The following IKZF1 variants were observed in gnomAD, a reference collection of about 807,000 sequenced individuals.
The protein encoded by IKZF1 is IKAROS family zinc finger 1.
Under a neutral mutation model 51.7 loss-of-function variants are expected in IKZF1, and 10 were observed. That is an observed-to-expected ratio of 0.19 (90% CI 0.12 to 0.33). The LOEUF (loss-of-function observed/expected upper bound fraction) is 0.33, where lower values mean the gene tolerates loss of function less well. Among genes scored for constraint, IKZF1 ranks in the 10% least tolerant of loss-of-function variants. The pLI is 1.00. For missense variants in IKZF1, 484 were observed against 707.5 expected (o/e 0.68, Z 3.58); for synonymous variants, 280 against 282.3 (o/e 0.99, Z 0.08).
intron 1 of IKZF1, chr7:50,308,578 C>G (rs1300360658): frequency 6.6e-6 from 1 of 152,252 alleles, no homozygotes; most frequent in Non-Finnish European, 1.5e-5. Context: ...ACAAATCAGA[C>G]GTCCACATAA....
At chr7:50,312,294 TAAACAGCAGTA>T in intron 1 of IKZF1, among the ~76,000 whole-genome samples, 1 of 152,204 alleles carries the variant, frequency 6.6e-6, no homozygotes, top group East Asian at 1.9e-4. Flanking sequence ...GGCGGCTCAA[TAAACAGCAGTA>T]TTAGTTTAAG....
At chr7:50,389,248 G>A (rs556414485) in intron 6 of IKZF1, among the ~76,000 whole-genome samples, 3 of 152,324 alleles carry the variant, frequency 2.0e-5, no homozygotes, top group South Asian at 2.1e-4. Context: ...GTGGATACAC[G>A]TGTGAGCAGG....
chr7:50,323,003 A>G (rs1336417926), intron 2 of IKZF1, among the ~76,000 whole-genome samples: 1 of 152,222 alleles, frequency 6.6e-6, no homozygotes, highest in East Asian at 1.9e-4. Context: ...AACTGTATAT[A>G]TCTAAAGGAT....
chr7:50,396,459 A>G (rs1279586963), intron 7 of IKZF1, among the ~76,000 whole-genome samples: 1 of 152,056 alleles, frequency 6.6e-6, no homozygotes, highest in Non-Finnish European at 1.5e-5. Context: ...TATTTTGAAT[A>G]CTTTTAAAAT....
intron 3 of IKZF1, among the ~76,000 whole-genome samples, chr7:50,375,226 GC>G (rs1170188534): frequency 9.2e-5 from 14 of 152,278 alleles, no homozygotes; most frequent in Admixed American, 8.5e-4. Flanking sequence ...TTCGAGAGCA[GC>G]CTGGTCAACA....
At chr7:50,349,653 C>A (rs1288220870) in intron 3 of IKZF1, among the ~76,000 whole-genome samples, 3 of 151,986 alleles carry the variant, frequency 2.0e-5, no homozygotes, top group Non-Finnish European at 2.9e-5. Flanking sequence ...TAACAGCCAC[C>A]CAGTCTATAA....
Position 50,400,424 on chromosome 7 carries a change from A to G in IKZF1, c.1357A>G (p.Ser453Gly). The G allele has an allele frequency of 4.3e-6, 7 of 1,613,890 alleles. No homozygotes were observed. Among genetic ancestry groups the G allele is most frequent in the Non-Finnish European group, 5.9e-6 (7 of 1,179,844 alleles). Residue 453 changes from serine (S) to glycine (G), a missense_variant, in exon 8 of 8, where the codon AGC (serine) becomes GGC (glycine). Ser to Gly is a moderately conservative substitution (Grantham distance 56). Coordinates refer to ENST00000331340, the MANE Select transcript of IKZF1 (RefSeq NM_006060.6). This position sits in a 1 kb window ranked among gnomAD's most constrained non-coding sequence, Gnocchi z 5.4. ...CTCGCAGGACGCGCTCCGCGTGGTC[A>G]GCACCAGCGGGGAGCAGATGAAGGT... ...ENSQDALRVVSTSGEQMKVYK... is the reference protein window; with the variant it reads ...ENSQDALRVVGTSGEQMKVYK...
At chr7:50,344,082 G>C (rs536527797) in intron 3 of IKZF1, among the ~76,000 whole-genome samples, 45 of 152,162 alleles carry the variant, frequency 3.0e-4, no homozygotes, top group Non-Finnish European at 6.0e-4. Flanking sequence ...TGTTGTAAAA[G>C]ATTTTGAAGC....
chr7:50,313,247 T>C (rs992287809), intron 1 of IKZF1, among the ~76,000 whole-genome samples: 1 of 152,224 alleles, frequency 6.6e-6, no homozygotes, highest in African/African-American at 2.4e-5. Context: ...ATTAAAGAGG[T>C]CTGTGACCTA....
chr7:50,348,290 C>T lies in IKZF1; in HGVS notation c.160+20533C>T, dbSNP rs141806892. Among the ~76,000 whole-genome samples the T allele has an allele frequency of 4.9e-3, 747 of 152,292 alleles. 8 individuals are homozygous for T. The highest frequency in any genetic ancestry group is 0.017 in the African/African-American group (714 of 41,550). ...TTGCCTCCGGACATGACATATCTGG[C>T]TCTTCCAGAATCCATGTTAGTCCTA... is the stretch of plus-strand genomic sequence containing the variant. On this transcript the variant is annotated intron_variant, in intron 3 of 7. Coordinates refer to ENST00000331340, the MANE Select transcript of IKZF1 (RefSeq NM_006060.6).
rs928319181 is a variant in IKZF1, at chr7:50,402,453, C to G, written c.*1826C>G. 1 of 231,592 alleles carries G rather than the reference C, an allele frequency of 4.3e-6. No homozygotes were observed. The highest frequency in any genetic ancestry group is 2.2e-5 in the African/African-American group (1 of 45,250). 14.3% of individuals were successfully genotyped at this position (231,592 alleles called of 1,614,324 possible). ...GCACCCCGAATTGACAACCCAAACT[C>G]TCCAGACATCACCAACTGTCCCCTG... On this transcript the variant is annotated 3_prime_UTR_variant, in exon 8 of 8. Coordinates refer to ENST00000331340, the MANE Select transcript of IKZF1 (RefSeq NM_006060.6).
rs114480719 is a variant in IKZF1, at chr7:50,357,707, A to T, written c.161-18826A>T. Among the ~76,000 whole-genome samples, 985 of 152,086 alleles carry T rather than the reference A, an allele frequency of 6.5e-3. 12 individuals are homozygous for T. Among genetic ancestry groups the T allele is most frequent in the African/African-American group, 0.023 (939 of 41,392 alleles). Reference sequence around the variant, plus strand: ...CCCAAGTTGGAGATGGTCCTCCCTGATGTGTAGTGTGGGCTATTCAGAGGG... The same window carrying T: ...CCCAAGTTGGAGATGGTCCTCCCTGTTGTGTAGTGTGGGCTATTCAGAGGG... On this transcript the variant is annotated intron_variant, in intron 3 of 7. Coordinates refer to ENST00000331340, the MANE Select transcript of IKZF1 (RefSeq NM_006060.6).
At chr7:50,363,188 G>T (rs1000842222) in intron 3 of IKZF1, among the ~76,000 whole-genome samples, 3 of 152,188 alleles carry the variant, frequency 2.0e-5, no homozygotes, top group Admixed American at 6.5e-5. Context: ...TTCCAGGCAT[G>T]GAGGGAAGAA....
intron 3 of IKZF1, among the ~76,000 whole-genome samples, chr7:50,341,238 G>T (rs1798996510): frequency 6.6e-6 from 1 of 151,278 alleles, no homozygotes; most frequent in African/African-American, 2.4e-5. Flanking sequence ...CCACCTCTTG[G>T]GTTCAAGTGA....
At chr7:50,388,833 CT>C (rs2153492007) in intron 6 of IKZF1, among the ~76,000 whole-genome samples, 1 of 152,180 alleles carries the variant, frequency 6.6e-6, no homozygotes, top group Admixed American at 6.5e-5. Context: ...GTGAATGGGT[CT>C]TGGAAGGAAG....
At chr7:50,377,002 TC>T in intron 4 of IKZF1, 1 of 755,976 alleles carries the variant, frequency 1.3e-6, no homozygotes, top group Non-Finnish European at 2.1e-6. Flanking sequence ...ACGTACCAAT[TC>T]CACCCTATAA....
chr7:50,369,733 G>C (rs559118080), intron 3 of IKZF1: 1 of 395,990 alleles, frequency 2.5e-6, no homozygotes, highest in Non-Finnish European at 4.4e-6. Context: ...GTTTGTGTCC[G>C]TAGTTGCTGG....
chr7:50,303,561 G>A (rs1268378955), upstream of IKZF1, among the ~76,000 whole-genome samples: 1 of 152,140 alleles, frequency 6.6e-6, no homozygotes, highest in African/African-American at 2.4e-5. This position sits in a 1 kb window ranked among gnomAD's most constrained non-coding sequence, Gnocchi z 4.7. Flanking sequence ...GGTTGTCTGG[G>A]AAAATGAATT....
intron 7 of IKZF1, among the ~76,000 whole-genome samples, chr7:50,398,197 G>A (rs1169581637): frequency 6.6e-6 from 1 of 152,146 alleles, no homozygotes; most frequent in Admixed American, 6.5e-5. Flanking sequence ...CTGCACATTG[G>A]GGAAGTTTTG....
Sources: gnomAD v4.1 joint callset for allele counts (sites outside exome capture counted in the v4.1 genomes callset) on GRCh38, gnomAD v4.1.1 for gene constraint, Gnocchi (gnomAD v3.1) non-coding constraint, MANE v1.5 for transcripts, NCBI Gene and HGNC (gene_info 2026-07-23, HGNC 2026-07-21) for gene names.